ABCC4: variants seen among roughly 807,000 people sequenced by gnomAD.
ABCC4 encodes the protein ATP binding cassette subfamily C member 4 (PEL blood group), also known as ATP-binding cassette sub-family C member 4.
Under a neutral mutation model 168.5 loss-of-function variants are expected in ABCC4, and 102 were observed. The ratio of observed to expected loss-of-function variants is 0.61; its 90% confidence interval spans 0.52 to 0.71. ABCC4 has a LOEUF of 0.71. Ranked by LOEUF, ABCC4 falls within the 30% of genes least tolerant of loss-of-function variation. The pLI, the probability that ABCC4 is intolerant of heterozygous loss-of-function variation, is 0.00. For synonymous variants in ABCC4, 617 were observed against 590.7 expected (o/e 1.04, Z -0.65); for missense variants, 1,402 against 1,605.8 (o/e 0.87, Z 2.17).
chr13:95,179,153 C>T (rs1456320898), intron 11 of ABCC4, among the ~76,000 whole-genome samples: 1 of 152,166 alleles, frequency 6.6e-6, no homozygotes, highest in Admixed American at 6.5e-5. Context: ...CAGCATAAAG[C>T]CACGGGACTT....
chr13:95,022,395 T>A (rs1346411838), intron 30 of ABCC4, among the ~76,000 whole-genome samples: 1 of 152,228 alleles, frequency 6.6e-6, no homozygotes, highest in Admixed American at 6.5e-5. Context: ...ATACAGGTTT[T>A]CTGATAAACG....
rs1044543942 is a variant in ABCC4 at position 95,161,165 on chromosome 13, T to A, written c.2455+24A>T. On this transcript the variant is annotated intron_variant, in intron 19 of 30. Transcript: ENST00000645237. The stretch of plus-strand genomic sequence containing the variant: ...TGTGTTGTTAACAAGACATACTTAC[T>A]GAGAAACTTGGTGTCAGACTTACCT... 1.5e-5 allele frequency: 23 copies of A among 1,564,924 alleles called. No homozygotes were observed. The Admixed American group carries it at 3.6e-4, about 25-fold the overall frequency.
rs1342541249 is a variant in ABCC4, at chr13:95,141,382, T to G, written c.2455+19807A>C. Among the ~76,000 whole-genome samples the G allele has an allele frequency of 2.6e-5, 4 of 152,322 alleles. No homozygotes were observed. The East Asian group carries it at 7.7e-4, about 29-fold the overall frequency. ...AGATGCATTATTTATCATCCGGGTG[T>G]TTTTGCCCAAAATTTGTCCTCAAAC... is the stretch of plus-strand genomic sequence containing the variant. On this transcript the variant is annotated intron_variant, in intron 19 of 30. Transcript: ENST00000645237.
chr13:95,178,883 A>C (rs915132447), intron 11 of ABCC4, among the ~76,000 whole-genome samples: 4 of 152,210 alleles, frequency 2.6e-5, no homozygotes, highest in South Asian at 2.1e-4. Context: ...ACAAATTTTA[A>C]AGGTAGCACC....
intron 19 of ABCC4, among the ~76,000 whole-genome samples, chr13:95,130,757 G>C (rs1000917053): frequency 7.2e-5 from 11 of 152,160 alleles, no homozygotes; most frequent in African/African-American, 9.7e-5. Flanking sequence ...GGTTGCGATG[G>C]AGAATGTATC....
chr13:95,098,638 C>A (rs764634792), intron 20 of ABCC4, among the ~76,000 whole-genome samples: 51 of 151,970 alleles, frequency 3.4e-4, no homozygotes, highest in Admixed American at 2.2e-3. Flanking sequence ...TTCACAAATG[C>A]CTAATATTAA....
rs4148460 is a variant in ABCC4, at chr13:95,234,630, A to C, written c.511T>G (p.Cys171Gly). Residue 171 changes from cysteine to glycine, a missense_variant, in exon 4 of 31, where the codon TGC (cysteine) becomes GGC (glycine). Cys to Gly is a radical substitution (Grantham distance 159, BLOSUM62 -3). Coordinates refer to ENST00000645237, the MANE Select transcript of ABCC4 (RefSeq NM_005845.5). ...CTTACCTTCCGATAAATCATATGGC[A>C]CATGGCTACTCGTAACCTCATCCCA... The part of the protein sequence containing the change: ...CAGMRLRVAM[C>G]HMIYRKALRL... 1 of 1,614,040 alleles carries C rather than the reference A, an allele frequency of 6.2e-7. No homozygotes were observed. Among genetic ancestry groups the C allele is most frequent in the East Asian group, 2.2e-5 (1 of 44,884 alleles).
At chr13:95,189,635 C>G (rs1300123562) in intron 9 of ABCC4, among the ~76,000 whole-genome samples, 1 of 152,114 alleles carries the variant, frequency 6.6e-6, no homozygotes, top group African/African-American at 2.4e-5. Flanking sequence ...GCCCAGCCAG[C>G]CAGAAGGCAC....
At chr13:95,114,366 C>T (rs1176315601) in intron 20 of ABCC4, among the ~76,000 whole-genome samples, 3 of 152,196 alleles carry the variant, frequency 2.0e-5, no homozygotes, top group South Asian at 4.1e-4. Context: ...CAGCCAGCTT[C>T]GGAAACTCAA....
intron 1 of ABCC4, among the ~76,000 whole-genome samples, chr13:95,275,079 A>G (rs1425543664): frequency 6.6e-6 from 1 of 152,196 alleles, no homozygotes; most frequent in Non-Finnish European, 1.5e-5. Flanking sequence ...TCCGTCTCAA[A>G]AAATAAAATA....
Position 95,177,790 on chromosome 13 carries a change from T to G in ABCC4, c.1644A>C (p.Ala548=), listed in dbSNP as rs757663181. The G allele has an allele frequency of 6.8e-6, 11 of 1,608,208 alleles. No individual in the cohort carries two copies. The highest frequency in any genetic ancestry group is 9.4e-6 in the Non-Finnish European group (11 of 1,175,290). The stretch of plus-strand genomic sequence containing the variant: ...GATAGATGTCAGCATCTTGATACAC[T>G]GCTCTAGAAAATACAAAGAGGTATC... ...GQKARVNLAR[A]VYQDADIYLL... The change falls in exon 13 of 31, where the codon GCA becomes GCC. Residue 548 remains alanine, a synonymous_variant. Coordinates refer to ENST00000645237, the MANE Select transcript of ABCC4 (RefSeq NM_005845.5).
chr13:95,285,679 T>C (rs747792776), intron 1 of ABCC4, among the ~76,000 whole-genome samples: 3 of 152,094 alleles, frequency 2.0e-5, no homozygotes, highest in Non-Finnish European at 4.4e-5. Flanking sequence ...GTATATAACA[T>C]GAGCTAAGGG....
At chr13:95,083,769 C>T (rs2034175547) in intron 20 of ABCC4, among the ~76,000 whole-genome samples, 1 of 152,086 alleles carries the variant, frequency 6.6e-6, no homozygotes, top group Admixed American at 6.5e-5. Context: ...GTGATCTGCC[C>T]ACCTCTGCCT....
intron 3 of ABCC4, among the ~76,000 whole-genome samples, chr13:95,245,615 C>T (rs2040084126): frequency 1.3e-5 from 2 of 152,210 alleles, no homozygotes; most frequent in African/African-American, 4.8e-5. Flanking sequence ...ATGTCCACCC[C>T]ATCTGCCACA....
intron 20 of ABCC4, among the ~76,000 whole-genome samples, chr13:95,107,684 T>C (rs1209768600): frequency 1.3e-5 from 2 of 152,116 alleles, no homozygotes; most frequent in Non-Finnish European, 2.9e-5. Context: ...CCCAGCACTT[T>C]GGGAGGCTGA....
At chr13:95,086,451 T>C (rs981837353) in intron 20 of ABCC4, among the ~76,000 whole-genome samples, 11 of 152,120 alleles carry the variant, frequency 7.2e-5, no homozygotes, top group African/African-American at 2.7e-4. Context: ...ATATAAAATT[T>C]CCCCCGGCAG....
chr13:95,044,576 C>T, intron 27 of ABCC4, 138 bp from the exon 28 acceptor site: 1 of 643,926 alleles, frequency 1.6e-6, no homozygotes, highest in East Asian at 3.0e-5. Flanking sequence ...GGCTGAATTA[C>T]CTCTAGTTAA....
chr13:95,218,281 C>T (rs2039179346), intron 4 of ABCC4, among the ~76,000 whole-genome samples: 1 of 152,246 alleles, frequency 6.6e-6, no homozygotes, highest in Non-Finnish European at 1.5e-5. Context: ...ACTTTAATGA[C>T]TGCACAATCT....
chr13:95,118,804 T>C (rs1316934084), intron 19 of ABCC4, among the ~76,000 whole-genome samples: 1 of 152,208 alleles, frequency 6.6e-6, no homozygotes, highest in African/African-American at 2.4e-5. Context: ...AAGGCTTGCT[T>C]ACATTAAACC....
Sources: gnomAD v4.1 joint callset for allele counts (sites outside exome capture counted in the v4.1 genomes callset) on GRCh38, gnomAD v4.1.1 for gene constraint, MANE v1.5 for transcripts, NCBI Gene and HGNC (gene_info 2026-07-23, HGNC 2026-07-21) for gene names.